PGR: variants seen among roughly 807,000 people sequenced by gnomAD.
The protein encoded by PGR is progesterone receptor, also known as nuclear receptor subfamily 3 group C member 3.
In PGR, 25 loss-of-function variants were observed where a neutral mutation model predicts 76.1. The observed-to-expected ratio is 0.33, with a 90% CI of 0.24 to 0.46. The LOEUF is 0.46. Among genes scored for constraint, PGR ranks in the 20% least tolerant of loss-of-function variants. PGR has a pLI of 1.00. For missense variants in PGR, 1,172 were observed against 1,225.3 expected, an observed-to-expected ratio of 0.96 and a Z score of 0.65; for synonymous variants, 579 against 535.0, an observed-to-expected ratio of 1.08 and a Z score of -1.14.
rs1863038496 is a variant in PGR, at chr11:101,129,737, A to T, written c.-667T>A. On this transcript the variant is annotated 5_prime_UTR_variant, in exon 1 of 8. Coordinates refer to ENST00000325455, the MANE Select transcript of PGR (RefSeq NM_000926.4). ...TAGATTTCACTCAAATGACAAGTGA[A>T]GCTAGTTCTCATTGAGAATGCCACC... The T allele has an allele frequency of 3.9e-5, 7 of 180,340 alleles. No homozygotes were observed. The highest frequency in any genetic ancestry group is 3.1e-4 in the Admixed American group (5 of 15,884). 11.2% of individuals were successfully genotyped at this position (180,340 alleles called of 1,614,324 possible). A position where few individuals can be genotyped will look rare whatever the true frequency, so the allele number is the denominator to read the frequency against.
Position 101,128,403 on chromosome 11 carries a change from T to G in PGR, c.668A>C (p.Glu223Ala), listed in dbSNP as rs1862963768. 6.2e-7 allele frequency: 1 copy of G among 1,610,368 alleles called. No individual in the cohort carries two copies. Among genetic ancestry groups the G allele is most frequent in the Admixed American group, 1.7e-5 (1 of 60,004 alleles). Residue 223 changes from glutamate to alanine, a missense_variant, in exon 1 of 8, where the codon GAG becomes GCG. Transcript: ENST00000325455. ...SPQAAAVEVE[E>A]EDGSESEESA... is the part of the protein sequence containing the mutation. ...CTCCTCGGACTCAGAGCCATCCTCC[T>G]CCTCAACCTCCACCGCAGCGGCCTG...
At chr11:101,068,944 G>C (rs1207505154) in intron 3 of PGR, among the ~76,000 whole-genome samples, 1 of 152,116 alleles carries the variant, frequency 6.6e-6, no homozygotes, top group Non-Finnish European at 1.5e-5. Context: ...ATACCATTCA[G>C]GACATAGGCA....
At chr11:101,045,698 T>G (rs973544662) in intron 6 of PGR, among the ~76,000 whole-genome samples, 1 of 150,294 alleles carries the variant, frequency 6.7e-6, no homozygotes, top group Non-Finnish European at 1.5e-5. Context: ...TGTGTGTGTA[T>G]GTATGTATAT....
At chr11:101,053,654 CCCT>C (rs759259713) in intron 4 of PGR, among the ~76,000 whole-genome samples, 8 of 144,612 alleles carry the variant, frequency 5.5e-5, no homozygotes, top group East Asian at 4.3e-4. Flanking sequence ...CTCCCCTTTT[CCCT>C]CCTTTCTTTC....
Position 101,105,204 on chromosome 11 carries a change from T to C in PGR, c.1790-13328A>G, listed in dbSNP as rs1862112392. 1.3e-5 allele frequency among the ~76,000 whole-genome samples: 2 copies of C among 152,208 alleles called. 1 individual carries two copies. Among genetic ancestry groups the C allele is most frequent in the Admixed American group, 1.3e-4 (2 of 15,278 alleles). ...CACTGTAAGAAATTTGATTTTTCTC[T>C]AAAAGATATGGTACCACTGGAGACA... On this transcript the variant is annotated intron_variant, in intron 2 of 7. Transcript: ENST00000325455.
intron 4 of PGR, among the ~76,000 whole-genome samples, chr11:101,060,728 C>T (rs1159726121): frequency 2.0e-5 from 3 of 152,116 alleles, no homozygotes; most frequent in African/African-American, 4.8e-5. Context: ...CTCAATGTTT[C>T]CCTGTTTGCA....
At chr11:101,126,251 G>A (rs1241620444) in intron 1 of PGR, 93 bp from the exon 2 acceptor site, 1 of 1,238,034 alleles carries the variant, frequency 8.1e-7, no homozygotes, top group African/African-American at 1.5e-5. Context: ...AGGGTGAAAG[G>A]AGATTTTAAA....
chr11:101,107,804 TGA>T (rs1160544770), intron 2 of PGR, among the ~76,000 whole-genome samples: 3 of 150,236 alleles, frequency 2.0e-5, no homozygotes, highest in Non-Finnish European at 1.5e-5. Flanking sequence ...GCATATCAAG[TGA>T]CTTAAGATTC....
chr11:101,088,314 G>T (rs1194609638), intron 3 of PGR, among the ~76,000 whole-genome samples: 2 of 152,108 alleles, frequency 1.3e-5, no homozygotes, highest in African/African-American at 4.8e-5. Flanking sequence ...GGTAGAAATT[G>T]GTTTGAACAC....
intron 7 of PGR, among the ~76,000 whole-genome samples, chr11:101,040,186 C>T (rs775533002): frequency 3.2e-4 from 48 of 151,986 alleles, no homozygotes; most frequent in Non-Finnish European, 6.5e-4. Flanking sequence ...GTCTCAAAGC[C>T]ATAGTCAAAT....
intron 2 of PGR, among the ~76,000 whole-genome samples, chr11:101,119,677 G>GA (rs1862614817): frequency 6.6e-6 from 1 of 152,126 alleles, no homozygotes; most frequent in African/African-American, 2.4e-5. Context: ...ATCTCAAGTG[G>GA]AAATATAAAC....
intron 4 of PGR, among the ~76,000 whole-genome samples, chr11:101,055,679 A>G (rs1860265497): frequency 6.6e-6 from 1 of 152,160 alleles, no homozygotes; most frequent in African/African-American, 2.4e-5. Context: ...TAAACATTTT[A>G]CAAAATTATG....
chr11:101,080,931 G>GA (rs1281648928), intron 3 of PGR, among the ~76,000 whole-genome samples: 4 of 151,616 alleles, frequency 2.6e-5, no homozygotes, highest in African/African-American at 4.8e-5. Context: ...TAAAAATAAA[G>GA]AAAAAAATTA....
intron 2 of PGR, among the ~76,000 whole-genome samples, chr11:101,117,956 T>C (rs886228168): frequency 7.2e-5 from 11 of 152,190 alleles, no homozygotes; most frequent in African/African-American, 2.7e-4. Context: ...CTATTATATA[T>C]AGGCAATCAG....
intron 2 of PGR, among the ~76,000 whole-genome samples, chr11:101,093,267 G>T (rs1267449603): frequency 1.1e-4 from 16 of 151,994 alleles, no homozygotes; most frequent in Admixed American, 1.0e-3. Flanking sequence ...AGTCCTACAG[G>T]AGGTTAGCAG....
intron 2 of PGR, among the ~76,000 whole-genome samples, chr11:101,112,504 G>C (rs1862374131): frequency 6.6e-6 from 1 of 152,120 alleles, no homozygotes; most frequent in Admixed American, 6.6e-5. Context: ...GGCCACTTCT[G>C]TCCATACAGA....
chr11:101,069,172 GA>G (rs1030628859), intron 3 of PGR, among the ~76,000 whole-genome samples: 44 of 146,318 alleles, frequency 3.0e-4, no homozygotes, highest in Admixed American at 8.9e-4. Context: ...AAATTTACAA[GA>G]AAAAAAAAAC....
chr11:101,060,194 T>C (rs1209237258), intron 4 of PGR, among the ~76,000 whole-genome samples: 2 of 151,392 alleles, frequency 1.3e-5, no homozygotes, highest in East Asian at 1.9e-4. Flanking sequence ...TGTGTGTGCG[T>C]GTGTGTGTGT....
intron 2 of PGR, among the ~76,000 whole-genome samples, chr11:101,108,680 C>T (rs1489201916): frequency 2.0e-5 from 3 of 152,112 alleles, no homozygotes; most frequent in African/African-American, 4.8e-5. Flanking sequence ...TACTAACTGG[C>T]TAGGTATCTT....
Sources: allele counts gnomAD v4.1 joint callset (sites outside exome capture counted in the v4.1 genomes callset), GRCh38; gene constraint gnomAD v4.1.1; transcripts MANE v1.5; gene names NCBI Gene and HGNC (gene_info 2026-07-23, HGNC 2026-07-21).